C2orf76: variants seen among roughly 807,000 people sequenced by gnomAD.
The protein encoded by C2orf76 is UPF0538 protein C2orf76.
C2orf76 carries 23 observed loss-of-function variants against 16.9 expected under a neutral mutation model. The observed-to-expected ratio is 1.36, with a 90% confidence interval of 0.98 to 1.93. C2orf76 has a LOEUF of 1.93. C2orf76 is among the 30% of genes most tolerant of loss of function. C2orf76 has a pLI of 0.00. For missense variants in C2orf76, 152 were observed against 152.6 expected (o/e 1.00, Z 0.02); for synonymous variants, 48 against 52.3 (o/e 0.92, Z 0.35).
chr2:119,318,491 G>T (rs1410080941), intron 3 of C2orf76, among the ~76,000 whole-genome samples: 1 of 151,490 alleles, frequency 6.6e-6, no homozygotes, highest in Non-Finnish European at 1.5e-5. Flanking sequence ...CTCTGAATTT[G>T]CCCATTATTT....
At chr2:119,331,942 TTAATA>T (rs2104586720) in intron 2 of C2orf76, among the ~76,000 whole-genome samples, 2 of 152,310 alleles carry the variant, frequency 1.3e-5, no homozygotes, top group Admixed American at 6.5e-5. Flanking sequence ...AAAAACTAAT[TTAATA>T]TTTCATTAAT....
chr2:119,284,783 G>A, the C2orf76 span, among the ~76,000 whole-genome samples: 1 of 151,900 alleles, frequency 6.6e-6, no homozygotes, highest in African/African-American at 2.4e-5. Flanking sequence ...TATTTCATGG[G>A]TATTTGTCAA....
chr2:119,350,079 C>CCG (rs1553449832), intron 1 of C2orf76, among the ~76,000 whole-genome samples: 1 of 127,296 alleles, frequency 7.9e-6, no homozygotes, highest in Non-Finnish European at 1.7e-5. Flanking sequence ...GCCCCCCGCC[C>CCG]CCCCACCGTC....
intron 4 of C2orf76, 63 bp from the exon 5 acceptor site, chr2:119,311,766 T>C: frequency 7.1e-7 from 1 of 1,416,244 alleles, no homozygotes; most frequent in Non-Finnish European, 9.6e-7. Flanking sequence ...TGGTGAGACT[T>C]CTCAAAGACA....
chr2:119,295,033 A>G, the C2orf76 span, among the ~76,000 whole-genome samples: 1 of 152,298 alleles, frequency 6.6e-6, no homozygotes, highest in South Asian at 2.1e-4. Flanking sequence ...AGGAGACAGC[A>G]GTCAGAGAAC....
chr2:119,301,719 G>T (rs1275707734), downstream of C2orf76, among the ~76,000 whole-genome samples: 1 of 152,166 alleles, frequency 6.6e-6, no homozygotes, highest in East Asian at 1.9e-4. Flanking sequence ...ATATTATTTA[G>T]AAGGAATGTA....
chr2:119,331,038 T>C (rs938740660), intron 2 of C2orf76, among the ~76,000 whole-genome samples: 1 of 152,226 alleles, frequency 6.6e-6, no homozygotes, highest in Non-Finnish European at 1.5e-5. Flanking sequence ...ATTTTTTTTT[T>C]CTGCTCATTA....
the C2orf76 span, among the ~76,000 whole-genome samples, chr2:119,293,952 A>C: frequency 6.6e-6 from 1 of 152,196 alleles, no homozygotes; most frequent in Non-Finnish European, 1.5e-5. Context: ...CCACCTCACC[A>C]GGGATGGGGA....
chr2:119,365,287 C>T (rs1052633558), intron 1 of C2orf76, among the ~76,000 whole-genome samples: 2 of 152,146 alleles, frequency 1.3e-5, no homozygotes, highest in African/African-American at 4.8e-5. Context: ...CCAAGTAGAG[C>T]AAAAACAAAT....
chr2:119,333,412 A>G (rs889280956), intron 2 of C2orf76, among the ~76,000 whole-genome samples: 1 of 152,242 alleles, frequency 6.6e-6, no homozygotes, highest in African/African-American at 2.4e-5. Flanking sequence ...CTACTTATAA[A>G]TTAGAAAGAC....
chr2:119,311,432 C>A, intron 5 of C2orf76, 190 bp downstream of exon 5: 1 of 985,436 alleles, frequency 1.0e-6, no homozygotes, highest in Non-Finnish European at 1.2e-6. Flanking sequence ...AGAGCAGACA[C>A]CTACTGTCCT....
chr2:119,293,033 T>TCAAAA, the C2orf76 span, among the ~76,000 whole-genome samples: 23 of 152,110 alleles, frequency 1.5e-4, no homozygotes, highest in South Asian at 6.2e-4. Context: ...AGACTCTGTC[T>TCAAAA]CAAAACAAAA....
chr2:119,355,830 C>T (rs1680552567), intron 1 of C2orf76, among the ~76,000 whole-genome samples: 1 of 152,168 alleles, frequency 6.6e-6, no homozygotes, highest in African/African-American at 2.4e-5. Context: ...ACACCATCCA[C>T]CGAACAGGAT....
At chr2:119,320,546 T>G (rs1679310437) in intron 3 of C2orf76, among the ~76,000 whole-genome samples, 1 of 152,066 alleles carries the variant, frequency 6.6e-6, no homozygotes, top group African/African-American at 2.4e-5. Context: ...TTTTAGGTCA[T>G]AAGTTGTTCT....
At chr2:119,301,495 C>T (rs1678621263), downstream of C2orf76, among the ~76,000 whole-genome samples, 1 of 151,956 alleles carries the variant, frequency 6.6e-6, no homozygotes, top group Non-Finnish European at 1.5e-5. Context: ...GCTAAGCCCT[C>T]CGGCACTCAG....
Position 119,339,990 on chromosome 2 carries a change from G to T in C2orf76, c.-12-19C>A. On this transcript the variant is annotated intron_variant, in intron 1 of 5. Transcript: ENST00000334816. Reference sequence around the variant, plus strand: ...GAAATTCCTGTGGCAAGAGACATGAGAACCATCTAAATGAAGCCAGCTCAC... The same window carrying T: ...GAAATTCCTGTGGCAAGAGACATGATAACCATCTAAATGAAGCCAGCTCAC... 6.3e-7 allele frequency: 1 copy of T among 1,597,748 alleles called. No individual in the cohort carries two copies. The highest frequency in any genetic ancestry group is 1.1e-5 in the South Asian group (1 of 90,476).
At chr2:119,300,861 C>A (rs1451701295), downstream of C2orf76, among the ~76,000 whole-genome samples, 1 of 152,192 alleles carries the variant, frequency 6.6e-6, no homozygotes, top group African/African-American at 2.4e-5. Context: ...CTACTGCTTT[C>A]ATACCACTAT....
chr2:119,355,295 G>A (rs1490297349), intron 1 of C2orf76, among the ~76,000 whole-genome samples: 3 of 152,206 alleles, frequency 2.0e-5, no homozygotes, highest in South Asian at 2.1e-4. Flanking sequence ...ACACGTCTGC[G>A]TGTCTTAGAA....
intron 2 of C2orf76, among the ~76,000 whole-genome samples, chr2:119,322,370 C>CG (rs908689177): frequency 2.6e-5 from 4 of 152,036 alleles, no homozygotes; most frequent in South Asian, 2.1e-4. Flanking sequence ...CCGCACCCAG[C>CG]AATTTTTTGT....
Sources: allele counts gnomAD v4.1 joint callset (sites outside exome capture counted in the v4.1 genomes callset), GRCh38; gene constraint gnomAD v4.1.1; transcripts MANE v1.5; gene names NCBI Gene and HGNC (gene_info 2026-07-23, HGNC 2026-07-21).